The following ALCAM variants were observed in gnomAD, a reference collection of about 807,000 sequenced individuals.
The protein encoded by ALCAM is activated leukocyte cell adhesion molecule.
ALCAM carries 30 observed loss-of-function variants against 70.9 expected under a neutral mutation model. The ratio of observed to expected loss-of-function variants is 0.42; its 90% CI spans 0.32 to 0.57. The LOEUF (loss-of-function observed/expected upper bound fraction) is 0.57. Ranked by LOEUF, ALCAM falls within the 20% of genes least tolerant of loss-of-function variation. The pLI, the probability that ALCAM is intolerant of heterozygous loss-of-function variation, is 0.11. For missense variants in ALCAM, 591 were observed against 695.1 expected (o/e 0.85, Z 1.68); for synonymous variants, 249 against 242.5 (o/e 1.03, Z -0.25).
intron 14 of ALCAM, among the ~76,000 whole-genome samples, chr3:105,555,866 A>G (rs1203335125): frequency 1.3e-5 from 2 of 152,084 alleles, no homozygotes; most frequent in South Asian, 2.1e-4. Context: ...TTTAATCCAT[A>G]TAACTTCCCA....
At chr3:105,522,645 A>G (rs1449191595) in intron 2 of ALCAM, among the ~76,000 whole-genome samples, 2 of 152,140 alleles carry the variant, frequency 1.3e-5, no homozygotes, top group Middle Eastern at 3.2e-3. Flanking sequence ...GAGGGATTGA[A>G]GGCTATCAAG....
At chr3:105,413,515 T>G (rs1355676298) in intron 1 of ALCAM, among the ~76,000 whole-genome samples, 1 of 152,164 alleles carries the variant, frequency 6.6e-6, no homozygotes, top group African/African-American at 2.4e-5. Context: ...TAGTCAAACA[T>G]ACTTGATATC....
At chr3:105,427,767 C>T (rs1015707876) in intron 1 of ALCAM, among the ~76,000 whole-genome samples, 11 of 151,828 alleles carry the variant, frequency 7.2e-5, no homozygotes, top group African/African-American at 2.4e-4. Flanking sequence ...CCCAGCATAA[C>T]CTAACTCACC....
intron 4 of ALCAM, among the ~76,000 whole-genome samples, chr3:105,532,555 G>C (rs1453425210): frequency 6.6e-6 from 1 of 152,110 alleles, no homozygotes; most frequent in Non-Finnish European, 1.5e-5. Context: ...GCTGCAGTGA[G>C]CCATGTTTGC....
chr3:105,387,163 G>A (rs1335091369), intron 1 of ALCAM, among the ~76,000 whole-genome samples: 4 of 151,364 alleles, frequency 2.6e-5, no homozygotes, highest in South Asian at 2.1e-4. Context: ...CAGGCTGAGC[G>A]TCCAAATGAG....
chr3:105,446,839 G>A (rs1937312399), intron 1 of ALCAM, among the ~76,000 whole-genome samples: 1 of 152,060 alleles, frequency 6.6e-6, no homozygotes, highest in Non-Finnish European at 1.5e-5. Context: ...CAGAATAGTG[G>A]CTCCCAGATC....
intron 1 of ALCAM, among the ~76,000 whole-genome samples, chr3:105,394,900 C>G (rs1244241055): frequency 1.3e-5 from 2 of 151,810 alleles, no homozygotes. Context: ...TTATAGCAGA[C>G]CTGTAAGGTT....
chr3:105,532,716 G>T (rs1939871457), intron 4 of ALCAM, among the ~76,000 whole-genome samples: 2 of 152,164 alleles, frequency 1.3e-5, no homozygotes, highest in Non-Finnish European at 2.9e-5. Flanking sequence ...AGAGAACGGT[G>T]TGTTTGGGAA....
chr3:105,384,009 T>A (rs1036250066), intron 1 of ALCAM, among the ~76,000 whole-genome samples: 2 of 151,646 alleles, frequency 1.3e-5, no homozygotes, highest in African/African-American at 4.8e-5. Context: ...ACGCAGGCAG[T>A]ATTTAACATA....
At chr3:105,562,823 A>G (rs1940654934) in intron 14 of ALCAM, among the ~76,000 whole-genome samples, 2 of 152,046 alleles carry the variant, frequency 1.3e-5, no homozygotes, top group African/African-American at 4.8e-5. Context: ...TTTTCTGTTT[A>G]AGACAGAGTT....
chr3:105,461,761 C>T (rs894782404), intron 1 of ALCAM, among the ~76,000 whole-genome samples: 1 of 151,726 alleles, frequency 6.6e-6, no homozygotes, highest in African/African-American at 2.4e-5. Context: ...TGTTCTACCA[C>T]CTCCTATTTG....
In ALCAM at chr3:105,571,741, T is replaced by A. The variant is rs1041339418; in HGVS notation, c.1665-111T>A. ...ATATGGAAATTTTTGCCTAGCGGTT[T>A]GCTGTAAAACATTTGCTTTTCAAAG... is the stretch of plus-strand genomic sequence containing the variant. On this transcript the variant is annotated intron_variant, in intron 14 of 15. Coordinates refer to ENST00000306107, the MANE Select transcript of ALCAM (RefSeq NM_001627.4). The A allele has an allele frequency of 6.3e-6, 5 of 795,886 alleles. No homozygotes were observed. The African/African-American group carries it at 8.7e-5, about 14-fold the overall frequency. The allele number at this position is 795,886 out of a possible 1,614,324, so 49.3% of individuals were successfully genotyped here. A position where few individuals can be genotyped will look rare whatever the true frequency, so the allele number is the denominator to read the frequency against.
chr3:105,385,038 A>C (rs1019360915), intron 1 of ALCAM, among the ~76,000 whole-genome samples: 3 of 151,588 alleles, frequency 2.0e-5, no homozygotes, highest in Admixed American at 1.3e-4. Context: ...ACTTGAAAAA[A>C]TGTCACCCAT....
intron 9 of ALCAM, among the ~76,000 whole-genome samples, chr3:105,545,745 A>G (rs1344993406): frequency 6.6e-6 from 1 of 151,486 alleles, no homozygotes; most frequent in Non-Finnish European, 1.5e-5. Flanking sequence ...CTTCATATAA[A>G]GAAATTGAAG....
chr3:105,564,800 C>T (rs11720749), intron 14 of ALCAM, among the ~76,000 whole-genome samples: 6 of 152,220 alleles, frequency 3.9e-5, no homozygotes, highest in Admixed American at 6.5e-5. Flanking sequence ...AATCCCACCA[C>T]TTCGGGAGGC....
At chr3:105,393,719 G>A (rs1935879876) in intron 1 of ALCAM, among the ~76,000 whole-genome samples, 1 of 151,870 alleles carries the variant, frequency 6.6e-6, no homozygotes, top group Admixed American at 6.6e-5. Context: ...GGAAAGCAGT[G>A]TTTTGAAGTA....
intron 1 of ALCAM, among the ~76,000 whole-genome samples, chr3:105,390,704 T>G (rs887487235): frequency 3.9e-5 from 6 of 152,166 alleles, no homozygotes; most frequent in African/African-American, 7.2e-5. Context: ...TTGCCTAGAT[T>G]TTCTTCTAGG....
chr3:105,450,301 G>A lies in ALCAM; in HGVS notation c.74-69766G>A, dbSNP rs139984607. 1.2e-3 allele frequency among the ~76,000 whole-genome samples: 186 copies of A among 152,158 alleles called. 5 individuals carry two copies. The highest frequency in any genetic ancestry group is 4.3e-3 in the African/African-American group (179 of 41,508). On this transcript the variant is annotated intron_variant, in intron 1 of 15. Coordinates refer to ENST00000306107, the MANE Select transcript of ALCAM (RefSeq NM_001627.4). ...TTCTCTTACTATTGTCTGATACTCC[G>A]GATAATTCCTCAGCATTACTCCCTT...
rs145984310 is a variant in ALCAM, at chr3:105,545,699, C to G, written c.1104+364C>G. ...ATCCTTACGTGATATTTACAACAAC[C>G]CTGTGAAATACAAAGATTATTATTT... On this transcript the variant is annotated intron_variant, in intron 9 of 15. Transcript: ENST00000306107. 1.0e-3 allele frequency among the ~76,000 whole-genome samples: 152 copies of G among 151,440 alleles called. 1 individual carries two copies. Among genetic ancestry groups the G allele is most frequent in the Middle Eastern group, 3.4e-3 (1 of 294 alleles).
Sources: gnomAD v4.1 joint callset for allele counts (sites outside exome capture counted in the v4.1 genomes callset) on GRCh38, gnomAD v4.1.1 for gene constraint, MANE v1.5 for transcripts, NCBI Gene and HGNC (gene_info 2026-07-23, HGNC 2026-07-21) for gene names.